The following GSDMC variants were observed in gnomAD, a reference collection of about 807,000 sequenced individuals.
GSDMC encodes gasdermin-C.
A neutral mutation model predicts 58.0 loss-of-function variants in GSDMC; 59 were observed. That is an observed-to-expected ratio of 1.02 (90% CI 0.82 to 1.26). The LOEUF is 1.26. Among genes scored for constraint, GSDMC ranks in the 50% most tolerant of loss-of-function variants. The probability of loss-of-function intolerance (pLI) is 0.00; values close to 1 mark genes in which losing one functional copy is unlikely to be tolerated. For missense variants in GSDMC, 659 were observed against 598.5 expected (o/e 1.10, Z -1.06); for synonymous variants, 241 against 220.2 (o/e 1.09, Z -0.83).
rs1415125488 is a variant in GSDMC, at chr8:129,748,550, G to A, written c.1478C>T (p.Ser493Phe). ...CAACGAGAGAGTCCCATAGAGGGCA[G>A]ACAGGGGCATCTTTGCTTCTACATC... The part of the protein sequence containing the change: ...TWDVEAKMPL[S>F]ALYGTLSLLQ... The change falls in exon 14 of 14, where the codon TCT becomes TTT. Residue 493 changes from serine to phenylalanine, a missense_variant. By Grantham distance (155) the Ser-to-Phe change is radical (BLOSUM62 -2). Coordinates refer to ENST00000276708, the MANE Select transcript of GSDMC (RefSeq NM_031415.3). 7 of 1,613,604 alleles carry A rather than the reference G, an allele frequency of 4.3e-6. No individual in the cohort carries two copies. Among genetic ancestry groups the A allele is most frequent in the Non-Finnish European group, 5.1e-6 (6 of 1,179,690 alleles).
At chr8:129,750,595 C>G (rs1262131668) in intron 10 of GSDMC, 25 bp from the exon 11 acceptor site, 7 of 1,609,814 alleles carry the variant, frequency 4.3e-6, no homozygotes, top group Non-Finnish European at 5.1e-6. Flanking sequence ...CAACGCCGAC[C>G]AGAAAGTGGG....
At chr8:129,771,730 T>C (rs1475610152) in intron 3 of GSDMC, among the ~76,000 whole-genome samples, 1 of 151,070 alleles carries the variant, frequency 6.6e-6, no homozygotes. Flanking sequence ...CTAGAAATCA[T>C]AACAAGGAAT....
At chr8:129,749,047 T>G (rs1266757531) in intron 13 of GSDMC, among the ~76,000 whole-genome samples, 1 of 152,168 alleles carries the variant, frequency 6.6e-6, no homozygotes, top group Non-Finnish European at 1.5e-5. Context: ...AAGGTATGTA[T>G]TTATATACAC....
rs936571509 is a variant in GSDMC at position 129,755,323 on chromosome 8, T to G, written c.722-2503A>C. On this transcript the variant is annotated intron_variant, in intron 6 of 13. Transcript: ENST00000276708. ...GAGAGAATGGCATGACATATTTAAA[T>G]TGCTGAAGAAAAAAAAACCTTTTAT... Among the ~76,000 whole-genome samples the G allele has an allele frequency of 1.3e-5, 2 of 152,112 alleles. 1 individual carries two copies. Among genetic ancestry groups the G allele is most frequent in the South Asian group, 4.1e-4 (2 of 4,826 alleles).
intron 8 of GSDMC, 22 bp downstream of exon 8, chr8:129,752,084 G>A: frequency 6.2e-7 from 1 of 1,604,830 alleles, no homozygotes; most frequent in Non-Finnish European, 8.5e-7. Context: ...GTCCTGGAAG[G>A]GGAGGGCCAG....
At chr8:129,728,525 T>C in the GSDMC span, among the ~76,000 whole-genome samples, 1 of 152,214 alleles carries the variant, frequency 6.6e-6, no homozygotes, top group South Asian at 2.1e-4. Context: ...TGCTTGTGCC[T>C]GCCATCATGG....
At chr8:129,755,935 G>C (rs2033411870) in intron 6 of GSDMC, among the ~76,000 whole-genome samples, 1 of 149,152 alleles carries the variant, frequency 6.7e-6, no homozygotes. Flanking sequence ...CTAAAAGGAA[G>C]GCAAAAAGGA....
At chr8:129,768,128 A>T (rs2033929694) in intron 3 of GSDMC, among the ~76,000 whole-genome samples, 1 of 152,202 alleles carries the variant, frequency 6.6e-6, no homozygotes, top group Non-Finnish European at 1.5e-5. Flanking sequence ...TCCACCTCAG[A>T]GTACGGGCAG....
the GSDMC span, among the ~76,000 whole-genome samples, chr8:129,741,117 G>A: frequency 2.0e-5 from 3 of 151,922 alleles, no homozygotes; most frequent in East Asian, 1.9e-4. Flanking sequence ...TCCCCATTAC[G>A]CATTCTTGGC....
the GSDMC span, among the ~76,000 whole-genome samples, chr8:129,707,617 G>A: frequency 6.6e-6 from 1 of 152,072 alleles, no homozygotes; most frequent in Non-Finnish European, 1.5e-5. Context: ...CAGAACAATG[G>A]AAACAGCTCA....
At chr8:129,724,193 T>G in the GSDMC span, among the ~76,000 whole-genome samples, 1 of 152,084 alleles carries the variant, frequency 6.6e-6, no homozygotes. Context: ...TCAAAACAGA[T>G]CCTCCAGCCT....
chr8:129,735,059 A>G, the GSDMC span, among the ~76,000 whole-genome samples: 1 of 152,250 alleles, frequency 6.6e-6, no homozygotes, highest in African/African-American at 2.4e-5. Context: ...GAGACAAAGA[A>G]GGCCATTACA....
chr8:129,749,403 G>T (rs781222398), intron 13 of GSDMC, 49 bp downstream of exon 13: 2 of 1,259,960 alleles, frequency 1.6e-6, no homozygotes, highest in South Asian at 2.4e-5. Flanking sequence ...TCTTACCTCT[G>T]GTTCCCTCAC....
the GSDMC span, among the ~76,000 whole-genome samples, chr8:129,741,000 GT>G: frequency 6.6e-6 from 1 of 151,880 alleles, no homozygotes; most frequent in Non-Finnish European, 1.5e-5. Flanking sequence ...TCTTTTATCC[GT>G]TTTGAATTGA....
the GSDMC span, among the ~76,000 whole-genome samples, chr8:129,724,221 G>A: frequency 2.6e-5 from 4 of 152,190 alleles, no homozygotes; most frequent in African/African-American, 9.7e-5. Context: ...GCTTTCAGGT[G>A]ACTATAGCCC....
At chr8:129,738,315 C>T in the GSDMC span, among the ~76,000 whole-genome samples, 1 of 152,184 alleles carries the variant, frequency 6.6e-6, no homozygotes, top group African/African-American at 2.4e-5. Flanking sequence ...TGGGTATATA[C>T]CCAAAGGATT....
At chr8:129,757,887 G>A (rs1292026807) in intron 6 of GSDMC, among the ~76,000 whole-genome samples, 15 of 152,144 alleles carry the variant, frequency 9.9e-5, no homozygotes, top group Admixed American at 9.8e-4. Context: ...AGCTACTTGG[G>A]GGCTGAGGTG....
chr8:129,727,747 G>A, the GSDMC span, among the ~76,000 whole-genome samples: 2 of 152,228 alleles, frequency 1.3e-5, no homozygotes, highest in African/African-American at 4.8e-5. Context: ...TTGGGTAAGA[G>A]ATTGGAGCAC....
At chr8:129,738,239 C>T in the GSDMC span, among the ~76,000 whole-genome samples, 1 of 152,174 alleles carries the variant, frequency 6.6e-6, no homozygotes, top group Non-Finnish European at 1.5e-5. Flanking sequence ...CTAGTTCAAC[C>T]ATTGTGGAAG....
Sources: gnomAD v4.1 joint callset for allele counts (sites outside exome capture counted in the v4.1 genomes callset) on GRCh38, gnomAD v4.1.1 for gene constraint, MANE v1.5 for transcripts, NCBI Gene and HGNC (gene_info 2026-07-23, HGNC 2026-07-21) for gene names.